THSD4: variants seen among roughly 807,000 people sequenced by gnomAD.
THSD4 encodes thrombospondin type-1 domain-containing protein 4.
THSD4 carries 69 observed loss-of-function variants against 119.0 expected under a neutral mutation model. The observed-to-expected ratio is 0.58, with a 90% CI of 0.48 to 0.71. The LOEUF is 0.71. Ranked by LOEUF, THSD4 falls within the 30% of genes least tolerant of loss-of-function variation. THSD4 has a pLI of 0.00. For missense variants in THSD4, 1,393 were observed against 1,391.1 expected, an observed-to-expected ratio of 1.00 and a Z score of -0.02; for synonymous variants, 524 against 540.4, an observed-to-expected ratio of 0.97 and a Z score of 0.42.
At chr15:71,225,612 A>G (rs1355735412) in intron 4 of THSD4, among the ~76,000 whole-genome samples, 1 of 139,604 alleles carries the variant, frequency 7.2e-6, no homozygotes. Flanking sequence ...CAGTGGCACA[A>G]TCTTGGTTCA....
chr15:71,144,119 G>A (rs899287511), intron 2 of THSD4, among the ~76,000 whole-genome samples: 3 of 152,086 alleles, frequency 2.0e-5, no homozygotes, highest in Admixed American at 6.5e-5. Flanking sequence ...GCTGCTCAGC[G>A]GGACATTTTG....
At chr15:71,691,818 GA>G (rs1472816359) in intron 8 of THSD4, among the ~76,000 whole-genome samples, 6 of 152,180 alleles carry the variant, frequency 3.9e-5, no homozygotes, top group Admixed American at 6.5e-5. Flanking sequence ...CCATTGCTGG[GA>G]GGCTCAGATG....
intron 7 of THSD4, among the ~76,000 whole-genome samples, chr15:71,656,495 T>C (rs141010421): frequency 1.3e-5 from 2 of 152,242 alleles, no homozygotes; most frequent in East Asian, 3.9e-4. Context: ...CATAATGGGG[T>C]TGGTCCCTCT....
intron 1 of THSD4, among the ~76,000 whole-genome samples, chr15:71,136,363 C>G (rs1006152061): frequency 6.6e-6 from 1 of 152,042 alleles, no homozygotes; most frequent in South Asian, 2.1e-4. Flanking sequence ...GGAGAGTTTG[C>G]GTAAATGTCA....
intron 4 of THSD4, among the ~76,000 whole-genome samples, chr15:71,237,104 G>C (rs1320388545): frequency 6.6e-6 from 1 of 152,188 alleles, no homozygotes; most frequent in Non-Finnish European, 1.5e-5. Context: ...AAGAGATGCA[G>C]CAGGAGCCAG....
At chr15:71,712,334 G>C (rs2052533148) in intron 8 of THSD4, among the ~76,000 whole-genome samples, 1 of 152,146 alleles carries the variant, frequency 6.6e-6, no homozygotes, top group South Asian at 2.1e-4. Flanking sequence ...GAAAGTGAAA[G>C]TACAACATGT....
chr15:71,237,749 A>G (rs916765602), intron 4 of THSD4, among the ~76,000 whole-genome samples: 1 of 152,100 alleles, frequency 6.6e-6, no homozygotes, highest in Non-Finnish European at 1.5e-5. Flanking sequence ...GTTCCAGGTG[A>G]TGATTGCAGA....
chr15:71,391,860 A>T (rs570331546), intron 6 of THSD4, among the ~76,000 whole-genome samples: 4 of 152,152 alleles, frequency 2.6e-5, no homozygotes, highest in Non-Finnish European at 5.9e-5. Context: ...TAACAAAATG[A>T]AACTTGCAGG....
intron 1 of THSD4, among the ~76,000 whole-genome samples, chr15:71,106,887 AAAGAG>A: frequency 6.6e-6 from 1 of 152,288 alleles, no homozygotes; most frequent in South Asian, 2.1e-4. Flanking sequence ...AAAAATTTAA[AAAGAG>A]AAGTCACATT....
At position 71,356,017 on chromosome 15, in the gene THSD4, G is replaced by A. The variant is rs781317259; in HGVS notation, c.1016-55670G>A. The stretch of plus-strand genomic sequence containing the variant: ...TGAGTAGCTGGGACTACAGGCGTGC[G>A]TCACCACACCTGGCTAATTTTTGTA... On this transcript the variant is annotated intron_variant, in intron 6 of 17. Coordinates refer to ENST00000261862, the MANE Select transcript of THSD4 (RefSeq NM_024817.3). 1.2e-4 allele frequency among the ~76,000 whole-genome samples: 18 copies of A among 152,024 alleles called. 1 individual carries two copies. Among genetic ancestry groups the A allele is most frequent in the South Asian group, 4.2e-4 (2 of 4,798 alleles).
intron 6 of THSD4, among the ~76,000 whole-genome samples, chr15:71,287,773 A>G (rs1365762471): frequency 3.3e-5 from 5 of 152,154 alleles, no homozygotes; most frequent in Non-Finnish European, 7.4e-5. Context: ...CAGATGCTTC[A>G]TATTTTGTTT....
chr15:71,561,863 A>AACACAC (rs71154780), intron 7 of THSD4, among the ~76,000 whole-genome samples: 339 of 130,414 alleles, frequency 2.6e-3, no homozygotes, highest in Middle Eastern at 0.011. Context: ...TTTTAAAATA[A>AACACAC]ACACACACAC....
At chr15:71,297,854 A>C (rs1309078562) in intron 6 of THSD4, among the ~76,000 whole-genome samples, 1 of 152,172 alleles carries the variant, frequency 6.6e-6, no homozygotes, top group South Asian at 2.1e-4. Flanking sequence ...TGGATACTGG[A>C]ACCTTATCAG....
intron 3 of THSD4, among the ~76,000 whole-genome samples, chr15:71,201,776 T>C (rs540068074): frequency 2.0e-5 from 3 of 152,160 alleles, no homozygotes; most frequent in African/African-American, 7.2e-5. Flanking sequence ...GGACTTGAAA[T>C]GTTTGGGGAA....
At chr15:71,341,466 A>G (rs769314348) in intron 6 of THSD4, 14 of 1,613,130 alleles carry the variant, frequency 8.7e-6, no homozygotes, top group Non-Finnish European at 1.2e-5. Context: ...TTTTTGGGCC[A>G]CCGACCTTGT....
At chr15:71,185,129 A>G (rs1342488616) in intron 3 of THSD4, among the ~76,000 whole-genome samples, 2 of 151,718 alleles carry the variant, frequency 1.3e-5, no homozygotes. Context: ...CCTAAGACCA[A>G]CTTCTTTAAA....
intron 3 of THSD4, among the ~76,000 whole-genome samples, chr15:71,192,789 G>A (rs1173234948): frequency 6.6e-6 from 1 of 152,122 alleles, no homozygotes; most frequent in Non-Finnish European, 1.5e-5. Flanking sequence ...AACTGTCTGT[G>A]TGCAGGACAA....
At chr15:71,404,598 A>T (rs1202396466) in intron 6 of THSD4, among the ~76,000 whole-genome samples, 1 of 152,202 alleles carries the variant, frequency 6.6e-6, no homozygotes, top group South Asian at 2.1e-4. Flanking sequence ...CTAATACTCA[A>T]TATGATATCA....
At chr15:71,274,296 T>TG (rs1054323757) in intron 6 of THSD4, among the ~76,000 whole-genome samples, 2 of 152,212 alleles carry the variant, frequency 1.3e-5, no homozygotes, top group Non-Finnish European at 2.9e-5. Context: ...CTGACACCTT[T>TG]GGGGGAATTG....
Sources: allele counts gnomAD v4.1 joint callset (sites outside exome capture counted in the v4.1 genomes callset), GRCh38; gene constraint gnomAD v4.1.1; transcripts MANE v1.5; gene names NCBI Gene and HGNC (gene_info 2026-07-23, HGNC 2026-07-21).